BRD7: variants seen among roughly 807,000 people sequenced by gnomAD.
BRD7 encodes bromodomain-containing protein 7.
A neutral mutation model predicts 82.1 loss-of-function variants in BRD7; 15 were observed. That is an observed-to-expected ratio of 0.18 (90% confidence interval 0.12 to 0.28). The LOEUF is 0.28. Ranked by LOEUF, BRD7 falls within the 10% of genes least tolerant of loss-of-function variation. The probability of loss-of-function intolerance (pLI) is 1.00; values close to 1 mark genes in which losing one functional copy is unlikely to be tolerated. For missense variants in BRD7, 638 were observed against 779.9 expected (o/e 0.82, Z 2.17); for synonymous variants, 232 against 266.9 (o/e 0.87, Z 1.27).
chr16:50,351,171 A>C (rs1359062874), intron 4 of BRD7, among the ~76,000 whole-genome samples: 1 of 152,186 alleles, frequency 6.6e-6, no homozygotes, highest in Non-Finnish European at 1.5e-5. Flanking sequence ...TAGGCACTTG[A>C]CATATTTTAT....
rs1275327740 is a variant in BRD7, at chr16:50,368,308, A to G, written c.50-10T>C. On this transcript the variant is annotated splice_polypyrimidine_tract_variant and intron_variant, in intron 1 of 16. Coordinates refer to ENST00000394688, the MANE Select transcript of BRD7 (RefSeq NM_013263.5). ...GGCTTCTCTACATACTCTTAAAAAA[A>G]GAAAAGAAAAGAAAGGAAAGCGCGT... 3 of 1,597,494 alleles carry G rather than the reference A, an allele frequency of 1.9e-6. No homozygotes were observed. Among genetic ancestry groups the G allele is most frequent in the African/African-American group, 1.5e-5 (1 of 66,026 alleles).
At chr16:50,319,636 A>T (rs1351655809) in intron 16 of BRD7, among the ~76,000 whole-genome samples, 2 of 152,222 alleles carry the variant, frequency 1.3e-5, no homozygotes, top group African/African-American at 4.8e-5. Context: ...AATGAAAAAA[A>T]TATAAAAAAT....
At chr16:50,332,198 C>T (rs1267025049) in intron 8 of BRD7, among the ~76,000 whole-genome samples, 4 of 152,126 alleles carry the variant, frequency 2.6e-5, no homozygotes, top group African/African-American at 9.7e-5. Flanking sequence ...AGTAAAGAAA[C>T]ATCCCGCAGA....
At position 50,363,660 on chromosome 16, in the gene BRD7, TGCGC is replaced by T. The variant is rs1555472868; in HGVS notation, c.258+4426_258+4429del. Among the ~76,000 whole-genome samples the T allele has an allele frequency of 2.8e-3, 284 of 102,508 alleles. 1 individual carries two copies. Among genetic ancestry groups the T allele is most frequent in the African/African-American group, 7.2e-3 (271 of 37,424 alleles). 67.2% of individuals were successfully genotyped at this position (102,508 alleles called of 152,430 possible). ...GTGTGTTTGTGTGTGTGTGTGTGTG[TGCGC>T]GCGCGCGCGTGCGCGTGTGCTTCCC... On this transcript the variant is annotated intron_variant, in intron 2 of 16. Transcript: ENST00000394688.
intron 8 of BRD7, 25 bp downstream of exon 8, chr16:50,333,549 A>C (rs766953914): frequency 6.2e-7 from 1 of 1,601,458 alleles, no homozygotes; most frequent in African/African-American, 1.4e-5. Context: ...GTAGGTAGAG[A>C]AAAGAAAAGG....
intron 4 of BRD7, among the ~76,000 whole-genome samples, chr16:50,353,410 T>A (rs940206756): frequency 3.3e-5 from 5 of 152,094 alleles, no homozygotes; most frequent in African/African-American, 1.2e-4. Context: ...TGAATACAGA[T>A]TACATTAGAG....
At chr16:50,335,590 C>A (rs2037763909) in intron 6 of BRD7, among the ~76,000 whole-genome samples, 1 of 152,210 alleles carries the variant, frequency 6.6e-6, no homozygotes, top group Non-Finnish European at 1.5e-5. Context: ...GACTACCTTG[C>A]CTGTACTCTG....
At chr16:50,349,929 T>G in intron 5 of BRD7, 94 bp downstream of exon 5, 1 of 1,196,724 alleles carries the variant, frequency 8.4e-7, no homozygotes, top group Non-Finnish European at 1.1e-6. Flanking sequence ...ATAAACTCAA[T>G]TCTTTGCAAA....
intron 4 of BRD7, among the ~76,000 whole-genome samples, chr16:50,352,566 C>A (rs933855145): frequency 1.3e-5 from 2 of 152,176 alleles, no homozygotes; most frequent in African/African-American, 4.8e-5. Context: ...TACCCAGTAG[C>A]TGAATTGCTG....
intron 5 of BRD7, among the ~76,000 whole-genome samples, chr16:50,348,740 TAA>T (rs1296588084): frequency 6.6e-6 from 1 of 152,136 alleles, no homozygotes; most frequent in Non-Finnish European, 1.5e-5. Context: ...CGGTGATCAT[TAA>T]AAAGTCAGGA....
intron 2 of BRD7, among the ~76,000 whole-genome samples, chr16:50,366,063 C>A (rs1312834105): frequency 6.6e-6 from 1 of 152,192 alleles, no homozygotes; most frequent in Non-Finnish European, 1.5e-5. Context: ...GACTTCTCAA[C>A]AGCAAATTTA....
intron 8 of BRD7, 94 bp from the exon 9 acceptor site, chr16:50,328,838 G>T: frequency 1.8e-6 from 2 of 1,130,368 alleles, no homozygotes; most frequent in Non-Finnish European, 2.6e-6. Flanking sequence ...AGAGTGTTGT[G>T]GATTGCAGAT....
chr16:50,326,534 TTA>T (rs1253047684), intron 9 of BRD7, 143 bp from the exon 10 acceptor site: 6 of 481,326 alleles, frequency 1.2e-5, no homozygotes, highest in East Asian at 9.8e-5. Flanking sequence ...ACATCCACTT[TTA>T]TAAGAAAATC....
At position 50,350,205 on chromosome 16, in the gene BRD7, C is replaced by T. The variant is rs752539274; in HGVS notation, c.447-38G>A. 4.3e-5 allele frequency: 62 copies of T among 1,432,162 alleles called. No individual in the cohort carries two copies. The Middle Eastern group carries it at 1.5e-3, about 34-fold the overall frequency. The allele number at this position is 1,432,162 out of a possible 1,614,324, so 88.7% of individuals were successfully genotyped here. Reference sequence around the variant, plus strand: ...GCAAAAGACAATGTAATATTTTATTCTATTACAAACAAATCTATTGGTCTA... The same window carrying T: ...GCAAAAGACAATGTAATATTTTATTTTATTACAAACAAATCTATTGGTCTA... On this transcript the variant is annotated intron_variant, in intron 4 of 16. Transcript: ENST00000394688.
intron 5 of BRD7, among the ~76,000 whole-genome samples, chr16:50,348,572 T>C (rs2038383746): frequency 1.3e-5 from 2 of 151,674 alleles, no homozygotes; most frequent in South Asian, 4.2e-4. Context: ...CAAGAAAAAA[T>C]CAAACAACCC....
At chr16:50,319,852 G>C (rs1226533831) in intron 16 of BRD7, 35 bp downstream of exon 16, 1 of 1,603,200 alleles carries the variant, frequency 6.2e-7, no homozygotes, top group Non-Finnish European at 8.5e-7. Context: ...AGTCACCATA[G>C]CTTTCTGCTT....
At position 50,341,374 on chromosome 16, in the gene BRD7, C is replaced by A. The variant is rs78938379; in HGVS notation, c.592-1288G>T. ...AGAATTACTAGGCTGGGCATAGTGG[C>A]TCACCCTTATAATTCTAGCACTTTG... is the stretch of plus-strand genomic sequence containing the variant. On this transcript the variant is annotated intron_variant, in intron 5 of 16. Transcript: ENST00000394688. Among the ~76,000 whole-genome samples the A allele has an allele frequency of 5.5e-3, 838 of 152,198 alleles. 30 individuals are homozygous for A. The East Asian group carries it at 0.097, about 18-fold the overall frequency.
Position 50,334,907 on chromosome 16 carries a change from C to A in BRD7, c.703-12G>T. 6.2e-7 allele frequency: 1 copy of A among 1,603,566 alleles called. No homozygotes were observed. The highest frequency in any genetic ancestry group is 1.1e-5 in the South Asian group (1 of 89,718). On this transcript the variant is annotated splice_polypyrimidine_tract_variant and intron_variant, in intron 6 of 16. Coordinates refer to ENST00000394688, the MANE Select transcript of BRD7 (RefSeq NM_013263.5). ...CTCTGAATTCTTTCCTAAACATATTCGAAAATATTCTTATTATATGTTTGT... is the reference window on the plus strand; with the variant it reads ...CTCTGAATTCTTTCCTAAACATATTAGAAAATATTCTTATTATATGTTTGT...
At chr16:50,362,905 A>G (rs1442046895) in intron 2 of BRD7, among the ~76,000 whole-genome samples, 1 of 152,224 alleles carries the variant, frequency 6.6e-6, no homozygotes, top group Admixed American at 6.5e-5. Flanking sequence ...TTAAAATGGT[A>G]AATTTTATGC....
Sources: gnomAD v4.1 joint callset for allele counts (sites outside exome capture counted in the v4.1 genomes callset) on GRCh38, gnomAD v4.1.1 for gene constraint, MANE v1.5 for transcripts, NCBI Gene and HGNC (gene_info 2026-07-23, HGNC 2026-07-21) for gene names.